Variants in ZFPM2 observed in about 807,000 individuals in gnomAD.
ZFPM2 encodes zinc finger protein ZFPM2.
A neutral mutation model predicts 98.6 loss-of-function variants in ZFPM2; 20 were observed. That is an observed-to-expected ratio of 0.20 (90% CI 0.14 to 0.29). The LOEUF (loss-of-function observed/expected upper bound fraction) is 0.29. ZFPM2 is among the 10% of genes least tolerant of loss of function. The probability of loss-of-function intolerance (pLI) is 1.00; values close to 1 mark genes in which losing one functional copy is unlikely to be tolerated. For synonymous variants in ZFPM2, 518 were observed against 502.7 expected (o/e 1.03, Z -0.41); for missense variants, 1,310 against 1,388.6 (o/e 0.94, Z 0.90).
chr8:105,501,249 C>T (rs1813589657), intron 3 of ZFPM2, among the ~76,000 whole-genome samples: 1 of 149,458 alleles, frequency 6.7e-6, no homozygotes, highest in Non-Finnish European at 1.5e-5. Flanking sequence ...GTGGCGCCAT[C>T]TCAGCTGGCT....
At chr8:105,691,909 T>A (rs1183621824) in intron 5 of ZFPM2, among the ~76,000 whole-genome samples, 5 of 152,232 alleles carry the variant, frequency 3.3e-5, no homozygotes, top group Non-Finnish European at 5.9e-5. Flanking sequence ...TTTCTACTTA[T>A]TAAAAACTAT....
chr8:105,319,567 G>T (rs1406371085), intron 1 of ZFPM2: 1 of 152,560 alleles, frequency 6.6e-6, no homozygotes, highest in African/African-American at 2.4e-5. Context: ...CTCTGCGGCG[G>T]GCGGCCGTGC....
intron 3 of ZFPM2, among the ~76,000 whole-genome samples, chr8:105,446,808 AAAG>A (rs1193136837): frequency 6.6e-6 from 1 of 152,160 alleles, no homozygotes; most frequent in African/African-American, 2.4e-5. Flanking sequence ...TTTAGCCAAA[AAAG>A]GGGTTTTATT....
At chr8:105,367,024 C>G (rs1458343029) in intron 1 of ZFPM2, among the ~76,000 whole-genome samples, 3 of 138,438 alleles carry the variant, frequency 2.2e-5, no homozygotes, top group East Asian at 2.4e-4. Context: ...TGTCAAAGAT[C>G]AGATAGTTGT....
In ZFPM2 at chr8:105,485,252, A is replaced by T. The variant is rs540011023; in HGVS notation, c.301+40871A>T. Among the ~76,000 whole-genome samples the T allele has an allele frequency of 3.3e-5, 5 of 152,256 alleles. No individual in the cohort carries two copies. The South Asian group carries it at 1.0e-3, about 32-fold the overall frequency. On this transcript the variant is annotated intron_variant, in intron 3 of 7. Coordinates refer to ENST00000407775, the MANE Select transcript of ZFPM2 (RefSeq NM_012082.4). ...CCAGCCTGCAGGGAGCAGCAGCATCAGTCCAGGGGTTACTGAGAGGTTACT... is the reference window on the plus strand; with the variant it reads ...CCAGCCTGCAGGGAGCAGCAGCATCTGTCCAGGGGTTACTGAGAGGTTACT...
chr8:105,573,606 A>T (rs1229326019), intron 4 of ZFPM2, among the ~76,000 whole-genome samples: 2 of 152,224 alleles, frequency 1.3e-5, no homozygotes, highest in Non-Finnish European at 1.5e-5. Context: ...ATGGTTTCTC[A>T]CATCTGTGAT....
intron 5 of ZFPM2, among the ~76,000 whole-genome samples, chr8:105,718,956 C>T (rs1266915596): frequency 6.6e-6 from 1 of 151,868 alleles, no homozygotes; most frequent in East Asian, 1.9e-4. Flanking sequence ...TATTAAATGG[C>T]AGATTTAAGC....
At chr8:105,693,389 A>C (rs1490816417) in intron 5 of ZFPM2, among the ~76,000 whole-genome samples, 2 of 152,188 alleles carry the variant, frequency 1.3e-5, no homozygotes, top group African/African-American at 4.8e-5. Context: ...CTGCATCCTA[A>C]GTTACATTTT....
rs576886521 is a variant in ZFPM2 at position 105,690,680 on chromosome 8, CATA to C, written c.532+56328_532+56330del. Among the ~76,000 whole-genome samples the C allele has an allele frequency of 3.9e-5, 6 of 152,220 alleles. No individual in the cohort carries two copies. In the South Asian group the frequency reaches 1.2e-3, roughly 32 times the overall value. The stretch of plus-strand genomic sequence containing the variant: ...ATGACCCACAGAAACTAATATCTCT[CATA>C]ATAACTCACACCGCAAATCCCCAGG... On this transcript the variant is annotated intron_variant, in intron 5 of 7. Transcript: ENST00000407775.
chr8:105,560,606 TTTTA>T (rs1486735107), intron 3 of ZFPM2, among the ~76,000 whole-genome samples: 1 of 151,418 alleles, frequency 6.6e-6, no homozygotes, highest in Non-Finnish European at 1.5e-5. Flanking sequence ...TGAGGCCCTC[TTTTA>T]TTTATTTGTA....
At chr8:105,538,841 G>A (rs1586447008) in intron 3 of ZFPM2, among the ~76,000 whole-genome samples, 1 of 151,956 alleles carries the variant, frequency 6.6e-6, no homozygotes. Flanking sequence ...GGGAAACCCT[G>A]TCTCTACAAA....
At chr8:105,542,495 T>G (rs1244736889) in intron 3 of ZFPM2, among the ~76,000 whole-genome samples, 1 of 152,194 alleles carries the variant, frequency 6.6e-6, no homozygotes, top group Non-Finnish European at 1.5e-5. Context: ...TTGAACTGCA[T>G]GAGTTCCAGA....
chr8:105,500,253 C>T (rs302953), intron 3 of ZFPM2, among the ~76,000 whole-genome samples: 68,094 of 151,980 alleles, frequency 0.45, 17,825 homozygotes, highest in Non-Finnish European at 0.59. Context: ...TGCTAAATAT[C>T]GGCATGAATA....
At chr8:105,585,984 G>GT (rs1815703402) in intron 4 of ZFPM2, among the ~76,000 whole-genome samples, 1 of 149,810 alleles carries the variant, frequency 6.7e-6, no homozygotes, top group Non-Finnish European at 1.5e-5. Context: ...AGGATGTAGT[G>GT]TGTATGTGGG....
At chr8:105,723,860 T>C (rs1237627736) in intron 5 of ZFPM2, among the ~76,000 whole-genome samples, 1 of 151,878 alleles carries the variant, frequency 6.6e-6, no homozygotes, top group Non-Finnish European at 1.5e-5. Context: ...AATAGAATAC[T>C]TTCATTGACA....
chr8:105,561,252 C>T (rs1477093463), intron 3 of ZFPM2, 111 bp from the exon 4 acceptor site: 2 of 823,276 alleles, frequency 2.4e-6, no homozygotes, highest in Non-Finnish European at 2.0e-6. Context: ...AATTAATTCT[C>T]TTTATATGAA....
chr8:105,675,451 A>G (rs1197922539), intron 5 of ZFPM2, among the ~76,000 whole-genome samples: 1 of 152,218 alleles, frequency 6.6e-6, no homozygotes, highest in Non-Finnish European at 1.5e-5. Context: ...TTCACTCCTG[A>G]GCAAAGAAGA....
In ZFPM2 at chr8:105,443,312, C is replaced by CAAAAAAAAAAAAAAA. The variant is rs1491232192; in HGVS notation, c.200-962_200-961insAAAAAAAAAAAAAAA. ...TGACAGAGCGAGTAAGACTCCTTCT[C>CAAAAAAAAAAAAAAA]AAAAAACAAAAAACAAAAAAAAAAA... On this transcript the variant is annotated intron_variant, in intron 2 of 7. Coordinates refer to ENST00000407775, the MANE Select transcript of ZFPM2 (RefSeq NM_012082.4). Among the ~76,000 whole-genome samples the CAAAAAAAAAAAAAAA allele has an allele frequency of 3.5e-4, 40 of 115,334 alleles. 4 individuals are homozygous for CAAAAAAAAAAAAAAA. Among genetic ancestry groups the CAAAAAAAAAAAAAAA allele is most frequent in the African/African-American group, 1.6e-3 (38 of 24,286 alleles). 75.7% of individuals were successfully genotyped at this position (115,334 alleles called of 152,430 possible).
chr8:105,600,498 T>C (rs1239743905), intron 4 of ZFPM2, among the ~76,000 whole-genome samples: 1 of 152,138 alleles, frequency 6.6e-6, no homozygotes, highest in Non-Finnish European at 1.5e-5. Context: ...CTGACAAATA[T>C]TAATCAAAAG....
Sources: allele counts gnomAD v4.1 joint callset (sites outside exome capture counted in the v4.1 genomes callset), GRCh38; gene constraint gnomAD v4.1.1; transcripts MANE v1.5; gene names NCBI Gene and HGNC (gene_info 2026-07-23, HGNC 2026-07-21).